CNTNAP2: variants seen among roughly 807,000 people sequenced by gnomAD.
The protein encoded by CNTNAP2 is contactin-associated protein-like 2.
A neutral mutation model predicts 155.2 loss-of-function variants in CNTNAP2; 98 were observed. The observed-to-expected ratio is 0.63, with a 90% CI of 0.54 to 0.75. The LOEUF is 0.75. Ranked by LOEUF, CNTNAP2 falls within the 30% of genes least tolerant of loss-of-function variation. The pLI, the probability that CNTNAP2 is intolerant of heterozygous loss-of-function variation, is 0.00. For synonymous variants in CNTNAP2, 651 were observed against 631.2 expected (o/e 1.03, Z -0.47); for missense variants, 1,727 against 1,688.1 (o/e 1.02, Z -0.40).
At chr7:147,473,890 A>C (rs996299214) in intron 10 of CNTNAP2, among the ~76,000 whole-genome samples, 1 of 151,028 alleles carries the variant, frequency 6.6e-6, no homozygotes, top group Non-Finnish European at 1.5e-5. Context: ...GACCAGCCTG[A>C]CAAACATGGA....
chr7:148,337,235 G>A (rs976774976), intron 21 of CNTNAP2, among the ~76,000 whole-genome samples: 49 of 151,910 alleles, frequency 3.2e-4, no homozygotes, highest in African/African-American at 1.1e-3. Flanking sequence ...TGCTCCCTGA[G>A]TCTGTGAGAG....
At chr7:146,659,086 C>G (rs1800041479) in intron 1 of CNTNAP2, among the ~76,000 whole-genome samples, 1 of 152,128 alleles carries the variant, frequency 6.6e-6, no homozygotes, top group Non-Finnish European at 1.5e-5. Flanking sequence ...TGTTTATTCT[C>G]TGGGTTTCAA....
intron 12 of CNTNAP2, among the ~76,000 whole-genome samples, chr7:147,599,825 A>T (rs1019113079): frequency 6.6e-6 from 1 of 152,186 alleles, no homozygotes; most frequent in South Asian, 2.1e-4. Context: ...TAATTTGATT[A>T]CATCTGCAAA....
At chr7:147,474,527 G>A (rs1324467910) in intron 10 of CNTNAP2, among the ~76,000 whole-genome samples, 1 of 152,082 alleles carries the variant, frequency 6.6e-6, no homozygotes, top group Non-Finnish European at 1.5e-5. Flanking sequence ...AGGTTGCAGT[G>A]AGCTGAGATC....
intron 1 of CNTNAP2, among the ~76,000 whole-genome samples, chr7:146,129,873 C>A (rs1047725281): frequency 6.6e-6 from 1 of 151,990 alleles, no homozygotes; most frequent in Non-Finnish European, 1.5e-5. Context: ...TCCAATTAGT[C>A]CACAGGTAAG....
chr7:146,866,469 T>C (rs1015209101), intron 3 of CNTNAP2, among the ~76,000 whole-genome samples: 1 of 152,136 alleles, frequency 6.6e-6, no homozygotes, highest in Non-Finnish European at 1.5e-5. Context: ...AAATATGATG[T>C]GCCAAATAAG....
intron 15 of CNTNAP2, among the ~76,000 whole-genome samples, chr7:148,059,057 G>C (rs868831213): frequency 6.6e-6 from 1 of 152,082 alleles, no homozygotes; most frequent in Non-Finnish European, 1.5e-5. Context: ...AAGGTAGGCG[G>C]ATCACTTGAG....
chr7:146,821,527 A>G (rs1236388730), intron 2 of CNTNAP2, among the ~76,000 whole-genome samples: 1 of 152,208 alleles, frequency 6.6e-6, no homozygotes, highest in Admixed American at 6.5e-5. Context: ...CATCAGAGTG[A>G]ACAGGCAACC....
At chr7:147,530,090 G>A (rs569599205) in intron 11 of CNTNAP2, among the ~76,000 whole-genome samples, 43 of 152,134 alleles carry the variant, frequency 2.8e-4, no homozygotes, top group South Asian at 2.1e-3. Flanking sequence ...TGCTGATAAG[G>A]ACATACCTGA....
intron 9 of CNTNAP2, among the ~76,000 whole-genome samples, chr7:147,322,752 C>T (rs1397898381): frequency 1.4e-5 from 2 of 142,474 alleles, no homozygotes; most frequent in African/African-American, 5.4e-5. Context: ...ACAATTTCAG[C>T]TCCTGTTATT....
chr7:147,934,458 T>C (rs1424356606), intron 14 of CNTNAP2, among the ~76,000 whole-genome samples: 2 of 152,116 alleles, frequency 1.3e-5, no homozygotes, highest in African/African-American at 4.8e-5. Context: ...GAGAACAGCA[T>C]GGGAAAGACC....
In CNTNAP2 at chr7:147,501,815, A is replaced by G. The variant is rs541910296; in HGVS notation, c.1777+15774A>G. On this transcript the variant is annotated intron_variant, in intron 11 of 23. Coordinates refer to ENST00000361727, the MANE Select transcript of CNTNAP2 (RefSeq NM_014141.6). ...ATGGTAAATCCAGGAGCATCTACAT[A>G]TAGAAAACCCTACAGACTCCACCAA... Among the ~76,000 whole-genome samples the G allele has an allele frequency of 5.3e-5, 8 of 152,322 alleles. No homozygotes were observed. The South Asian group carries it at 8.3e-4, about 16-fold the overall frequency.
At chr7:146,967,908 C>G (rs1202579254) in intron 3 of CNTNAP2, among the ~76,000 whole-genome samples, 1 of 151,636 alleles carries the variant, frequency 6.6e-6, no homozygotes, top group Non-Finnish European at 1.5e-5. Context: ...GGGAGTGCTT[C>G]CAGTTTTTGC....
At chr7:147,841,137 CAGAG>C (rs1408343887) in intron 13 of CNTNAP2, among the ~76,000 whole-genome samples, 1 of 152,108 alleles carries the variant, frequency 6.6e-6, no homozygotes, top group African/African-American at 2.4e-5. Context: ...ACAAGTGAGA[CAGAG>C]AGACAAAATG....
At chr7:147,572,922 T>G (rs1383374294) in intron 12 of CNTNAP2, among the ~76,000 whole-genome samples, 1 of 152,140 alleles carries the variant, frequency 6.6e-6, no homozygotes, top group African/African-American at 2.4e-5. Context: ...TTATTTCTTC[T>G]GAGGATGTCA....
At chr7:148,168,609 G>A (rs1805718858) in intron 17 of CNTNAP2, among the ~76,000 whole-genome samples, 1 of 151,866 alleles carries the variant, frequency 6.6e-6, no homozygotes, top group East Asian at 1.9e-4. Flanking sequence ...TATACCTAAT[G>A]TTAAATGACA....
chr7:148,060,203 A>G (rs1803104917), intron 15 of CNTNAP2, among the ~76,000 whole-genome samples: 1 of 152,166 alleles, frequency 6.6e-6, no homozygotes, highest in South Asian at 2.1e-4. Context: ...TCATCTAAAT[A>G]AGCTTGTTAT....
intron 1 of CNTNAP2, among the ~76,000 whole-genome samples, chr7:146,619,590 T>C (rs1478867299): frequency 6.6e-6 from 1 of 152,186 alleles, no homozygotes; most frequent in Non-Finnish European, 1.5e-5. Flanking sequence ...GAATTTTATA[T>C]GACATAATTT....
intron 1 of CNTNAP2, among the ~76,000 whole-genome samples, chr7:146,155,204 C>G (rs1260786136): frequency 6.6e-6 from 1 of 152,168 alleles, no homozygotes; most frequent in African/African-American, 2.4e-5. Context: ...ATCCTAGACT[C>G]TTCAATAGGT....
Sources: allele counts gnomAD v4.1 joint callset (sites outside exome capture counted in the v4.1 genomes callset), GRCh38; gene constraint gnomAD v4.1.1; transcripts MANE v1.5; gene names NCBI Gene and HGNC (gene_info 2026-07-23, HGNC 2026-07-21).